NCALD: variants seen among roughly 807,000 people sequenced by gnomAD.
NCALD encodes the protein neurocalcin delta, also known as neurocalcin-delta.
Under a neutral mutation model 18.6 loss-of-function variants are expected in NCALD, and 10 were observed. The ratio of observed to expected loss-of-function variants is 0.54; its 90% CI spans 0.33 to 0.91. The LOEUF is 0.91. NCALD is among the 40% of genes least tolerant of loss of function. The pLI, the probability that NCALD is intolerant of heterozygous loss-of-function variation, is 0.03. For synonymous variants in NCALD, 88 were observed against 87.4 expected, an observed-to-expected ratio of 1.01 and a Z score of -0.04; for missense variants, 184 against 247.6, an observed-to-expected ratio of 0.74 and a Z score of 1.72.
intron 2 of NCALD, among the ~76,000 whole-genome samples, chr8:101,986,261 G>C (rs138968601): frequency 0.027 from 4,082 of 152,194 alleles, 91 homozygotes; most frequent in East Asian, 0.092. Flanking sequence ...GAATTCCTGA[G>C]CTCAGGTAAT....
At chr8:102,057,022 G>A (rs993757264) in intron 1 of NCALD, among the ~76,000 whole-genome samples, 1 of 152,168 alleles carries the variant, frequency 6.6e-6, no homozygotes, top group Non-Finnish European at 1.5e-5. Context: ...CCTGACAGCT[G>A]TCCTTCAAAC....
intron 3 of NCALD, among the ~76,000 whole-genome samples, chr8:101,888,998 A>C (rs1033970848): frequency 2.0e-5 from 3 of 149,208 alleles, no homozygotes; most frequent in African/African-American, 5.2e-5. Flanking sequence ...GATTCAGCTA[A>C]GAATGATGGC....
intron 2 of NCALD, among the ~76,000 whole-genome samples, chr8:101,969,430 TA>T (rs1163758005): frequency 6.6e-6 from 1 of 152,260 alleles, no homozygotes; most frequent in East Asian, 1.9e-4. Flanking sequence ...ATGATACTGT[TA>T]CTTCAACATA....
chr8:101,896,714 C>T (rs576296600), intron 3 of NCALD, among the ~76,000 whole-genome samples: 3 of 146,204 alleles, frequency 2.1e-5, no homozygotes, highest in Non-Finnish European at 4.4e-5. Flanking sequence ...AGGACATGAA[C>T]AGACGCTTCT....
intron 3 of NCALD, among the ~76,000 whole-genome samples, chr8:101,908,626 T>A (rs892184055): frequency 2.0e-5 from 3 of 152,330 alleles, no homozygotes; most frequent in African/African-American, 4.8e-5. Flanking sequence ...ACCCTTTCAA[T>A]AATTCTACCA....
chr8:101,886,373 T>A (rs1423739686), intron 4 of NCALD, among the ~76,000 whole-genome samples: 4 of 152,234 alleles, frequency 2.6e-5, no homozygotes, highest in African/African-American at 9.6e-5. Flanking sequence ...CATACACAAC[T>A]GTTTGACCAA....
chr8:101,855,064 C>T (rs1007545975), intron 4 of NCALD, among the ~76,000 whole-genome samples: 3 of 151,708 alleles, frequency 2.0e-5, no homozygotes, highest in Admixed American at 6.6e-5. Flanking sequence ...GGAAGAGGAG[C>T]GGAGGGAGGA....
At chr8:102,015,048 A>G (rs1822035467) in intron 2 of NCALD, among the ~76,000 whole-genome samples, 1 of 152,148 alleles carries the variant, frequency 6.6e-6, no homozygotes, top group Non-Finnish European at 1.5e-5. Context: ...TGCTCCCGAG[A>G]TGGCTAGGAA....
At chr8:101,769,596 C>T (rs1811498448) in intron 1 of NCALD, among the ~76,000 whole-genome samples, 2 of 151,920 alleles carry the variant, frequency 1.3e-5, no homozygotes. Context: ...GAAGTAAATG[C>T]ACATTTATTT....
chr8:101,788,629 C>A (rs931594214), intron 1 of NCALD: 1 of 152,134 alleles, frequency 6.6e-6, no homozygotes, highest in African/African-American at 2.4e-5. Flanking sequence ...AACCTGCATA[C>A]TTTATTTTAT....
chr8:101,877,873 C>T (rs1144545), intron 4 of NCALD, among the ~76,000 whole-genome samples: 39,761 of 152,042 alleles, frequency 0.26, 5,594 homozygotes, highest in East Asian at 0.38. Flanking sequence ...CTGCAGTTAG[C>T]AAAGGAGTAA....
At chr8:101,834,690 G>T (rs62518463) in intron 4 of NCALD, among the ~76,000 whole-genome samples, 1 of 152,224 alleles carries the variant, frequency 6.6e-6, no homozygotes, top group African/African-American at 2.4e-5. Flanking sequence ...GGTCTTTGAC[G>T]AGTGAGGCAA....
intron 2 of NCALD, among the ~76,000 whole-genome samples, chr8:101,717,419 T>G (rs1816137379): frequency 6.6e-6 from 1 of 152,196 alleles, no homozygotes; most frequent in Non-Finnish European, 1.5e-5. Flanking sequence ...AATCATAAAT[T>G]TGTATTTTTC....
chr8:101,906,997 A>AT (rs1393465912), intron 3 of NCALD, among the ~76,000 whole-genome samples: 1 of 152,122 alleles, frequency 6.6e-6, no homozygotes, highest in Non-Finnish European at 1.5e-5. Context: ...GCTATTACTG[A>AT]TTTTTTCTCT....
intron 4 of NCALD, among the ~76,000 whole-genome samples, chr8:101,854,371 C>A (rs907133666): frequency 4.6e-5 from 7 of 152,126 alleles, no homozygotes; most frequent in Non-Finnish European, 1.0e-4. Context: ...TGGTTACTTG[C>A]AACCTAAGAC....
chr8:101,804,648 T>G (rs1473456620), intron 4 of NCALD, among the ~76,000 whole-genome samples: 1 of 133,730 alleles, frequency 7.5e-6, no homozygotes, highest in East Asian at 2.0e-4. Flanking sequence ...CTATTATATA[T>G]TAGTATAATA....
chr8:101,858,354 ACCAGATACCT>A (rs1815403874), intron 4 of NCALD, among the ~76,000 whole-genome samples: 1 of 152,222 alleles, frequency 6.6e-6, no homozygotes, highest in African/African-American at 2.4e-5. Context: ...AACTAGAGGC[ACCAGATACCT>A]CTGAAAATAA....
intron 2 of NCALD, among the ~76,000 whole-genome samples, chr8:101,968,175 T>C (rs1180690361): frequency 6.6e-6 from 1 of 152,146 alleles, no homozygotes; most frequent in Admixed American, 6.5e-5. Context: ...AGTCGGTAGG[T>C]ATTGGCTTTA....
intron 3 of NCALD, among the ~76,000 whole-genome samples, chr8:101,912,893 G>A (rs1817850466): frequency 6.6e-6 from 1 of 152,228 alleles, no homozygotes; most frequent in South Asian, 2.1e-4. Context: ...TTCTCCTGCA[G>A]ACGTTGAAGG....
Sources: allele counts gnomAD v4.1 joint callset (sites outside exome capture counted in the v4.1 genomes callset), GRCh38; gene constraint gnomAD v4.1.1; transcripts MANE v1.5; gene names NCBI Gene and HGNC (gene_info 2026-07-23, HGNC 2026-07-21).